The following EBF3 variants were observed in gnomAD, a reference collection of about 807,000 sequenced individuals.
EBF3 encodes transcription factor COE3.
EBF3 carries 18 observed loss-of-function variants against 77.1 expected under a neutral mutation model. The ratio of observed to expected loss-of-function variants is 0.23; its 90% CI spans 0.16 to 0.35. The LOEUF (loss-of-function observed/expected upper bound fraction) is 0.35. Ranked by LOEUF, EBF3 falls within the 10% of genes least tolerant of loss-of-function variation. The pLI, the probability that EBF3 is intolerant of heterozygous loss-of-function variation, is 1.00. For synonymous variants in EBF3, 350 were observed against 343.5 expected (o/e 1.02, Z -0.21); for missense variants, 558 against 860.0 (o/e 0.65, Z 4.39).
chr10:129,921,084 G>T (rs930816829), intron 6 of EBF3, among the ~76,000 whole-genome samples: 1 of 152,190 alleles, frequency 6.6e-6, no homozygotes, highest in East Asian at 1.9e-4. Flanking sequence ...CAGCCTCATC[G>T]GCTAAAAGTA....
intron 6 of EBF3, among the ~76,000 whole-genome samples, chr10:129,893,370 A>G (rs1022247711): frequency 2.6e-5 from 4 of 152,242 alleles, no homozygotes; most frequent in Non-Finnish European, 5.9e-5. Context: ...TGCATACATT[A>G]TCATACATAA....
intron 16 of EBF3, 137 bp downstream of exon 16, chr10:129,838,946 C>T: frequency 1.2e-6 from 1 of 807,012 alleles, no homozygotes; most frequent in Non-Finnish European, 1.7e-6. Context: ...CGCGGCACCT[C>T]ACCACCTGCC....
At position 129,938,785 on chromosome 10, in the gene EBF3, T is replaced by TG; in HGVS notation, c.554+18472dup. 6.6e-6 allele frequency among the ~76,000 whole-genome samples: 1 copy of TG among 152,178 alleles called. No individual in the cohort carries two copies. The highest frequency in any genetic ancestry group is 1.9e-4 in the East Asian group (1 of 5,142). On this transcript the variant is annotated intron_variant, in intron 6 of 16. Transcript: ENST00000440978. The surrounding 1 kb of genome is among the most constrained non-coding windows in gnomAD (Gnocchi z 5.1). ...GAGTCAATAGGGGCAAGATGTTACA[T>TG]GGGGGTCTTCGTGGCCCATAAAACC...
chr10:129,952,680 T>C lies in EBF3; in HGVS notation c.554+4578A>G, dbSNP rs1007966505. 6.6e-6 allele frequency among the ~76,000 whole-genome samples: 1 copy of C among 152,072 alleles called. No homozygotes were observed. Among genetic ancestry groups the C allele is most frequent in the Non-Finnish European group, 1.5e-5 (1 of 68,026 alleles). ...AACATTGGGACTGGTCAAATGTTTA[T>C]CCTCCCCGCTTCTGAAAACAACCTG... On this transcript the variant is annotated intron_variant, in intron 6 of 16. Coordinates refer to ENST00000440978, the MANE Select transcript of EBF3 (RefSeq NM_001375380.1). This position sits in a 1 kb window ranked among gnomAD's most constrained non-coding sequence, Gnocchi z 4.7.
intron 10 of EBF3, among the ~76,000 whole-genome samples, chr10:129,853,118 C>A (rs767856826): frequency 6.6e-6 from 1 of 152,188 alleles, no homozygotes; most frequent in Non-Finnish European, 1.5e-5. Context: ...GAGCAGTGTG[C>A]GCCGCCTGTA....
rs1055178207 is a variant in EBF3 at position 129,963,141 on chromosome 10, C to G, written c.292-136G>C. On this transcript the variant is annotated intron_variant, in intron 2 of 16. Coordinates refer to ENST00000440978, the MANE Select transcript of EBF3 (RefSeq NM_001375380.1). This position sits in a 1 kb window ranked among gnomAD's most constrained non-coding sequence, Gnocchi z 7.1. ...CTAGCTCGAAGCAGCGCGGTGATGT[C>G]ACTTTCCTGCTGGAAGCCCAGCGTT... 8.0e-7 allele frequency: 1 copy of G among 1,255,328 alleles called. No individual in the cohort carries two copies. Among genetic ancestry groups the G allele is most frequent in the African/African-American group, 1.5e-5 (1 of 67,814 alleles). The allele number at this position is 1,255,328 out of a possible 1,614,324, so 77.8% of individuals were successfully genotyped here.
Position 129,945,928 on chromosome 10 carries a change from G to A in EBF3, c.554+11330C>T, listed in dbSNP as rs1171134706. Among the ~76,000 whole-genome samples the A allele has an allele frequency of 3.3e-5, 5 of 151,590 alleles. 1 individual carries two copies. Among genetic ancestry groups the A allele is most frequent in the Admixed American group, 1.3e-4 (2 of 15,186 alleles). On this transcript the variant is annotated intron_variant, in intron 6 of 16. Coordinates refer to ENST00000440978, the MANE Select transcript of EBF3 (RefSeq NM_001375380.1). The stretch of plus-strand genomic sequence containing the variant: ...TTGTTTCTCTGTGGAGTGCTTTTAC[G>A]TTTAGTGGAGGCCGCTGACAAATAT...
At chr10:129,869,224 TG>T (rs1422555458) in intron 8 of EBF3, among the ~76,000 whole-genome samples, 2 of 152,134 alleles carry the variant, frequency 1.3e-5, no homozygotes, top group Non-Finnish European at 2.9e-5. Flanking sequence ...TTGGGGGTGT[TG>T]GGGGTTAAAG....
chr10:129,962,971 T>C lies in EBF3; in HGVS notation c.326A>G (p.His109Arg), dbSNP rs1484783852. ...GCTGTACAATAACTGGAGTTTATAG[T>C]GGATGCCGTTGTTGGTTTTCTCGTT... The part of the protein sequence containing the change: ...PNNEKTNNGI[H>R]YKLQLLYSNG... Residue 109 changes from histidine to arginine, a missense_variant, in exon 3 of 17, where the codon CAC (histidine) becomes CGC (arginine). Physicochemically the swap from His to Arg is conservative, Grantham distance 29. Around this residue, in one of 5 missense-constraint regions of EBF3, gnomAD observed 84 missense variants for 142.3 expected, o/e 0.59. Coordinates refer to ENST00000440978, the MANE Select transcript of EBF3 (RefSeq NM_001375380.1). 1.2e-6 allele frequency: 2 copies of C among 1,614,050 alleles called. No homozygotes were observed. Among genetic ancestry groups the C allele is most frequent in the Non-Finnish European group, 1.7e-6 (2 of 1,180,032 alleles).
intron 6 of EBF3, among the ~76,000 whole-genome samples, chr10:129,948,085 C>T (rs1400979082): frequency 6.6e-6 from 1 of 151,658 alleles, no homozygotes; most frequent in Non-Finnish European, 1.5e-5. Context: ...GGTGAAACCC[C>T]GTCTCTACTA....
At chr10:129,962,512 G>A (rs1428219209) in intron 3 of EBF3, among the ~76,000 whole-genome samples, 1 of 151,866 alleles carries the variant, frequency 6.6e-6, no homozygotes, top group South Asian at 2.1e-4. Flanking sequence ...GGCCCATGTG[G>A]TCGTTTATTT....
intron 6 of EBF3, among the ~76,000 whole-genome samples, chr10:129,890,464 A>G (rs1853945477): frequency 6.6e-6 from 1 of 152,256 alleles, no homozygotes; most frequent in South Asian, 2.1e-4. Flanking sequence ...TAACACCATA[A>G]GGTGTGACGT....
rs1255842565 is a variant in EBF3, at chr10:129,836,218, T to TAAAG, written c.*1721_*1724dup. The stretch of plus-strand genomic sequence containing the variant: ...GTGATAAAATAGCACAAAGGTTCTT[T>TAAAG]AAAGAAGTTCACTTTTAAGGCATCA... On this transcript the variant is annotated 3_prime_UTR_variant, in exon 17 of 17. Transcript: ENST00000440978. The TAAAG allele has an allele frequency of 6.6e-6, 1 of 152,656 alleles. No homozygotes were observed. The highest frequency in any genetic ancestry group is 1.5e-5 in the Non-Finnish European group (1 of 68,046). 9.5% of individuals were successfully genotyped at this position (152,656 alleles called of 1,614,324 possible).
chr10:129,903,694 AT>A (rs1564874096), intron 6 of EBF3, among the ~76,000 whole-genome samples: 2 of 152,152 alleles, frequency 1.3e-5, no homozygotes, highest in Non-Finnish European at 2.9e-5. Context: ...GGAAGATGTG[AT>A]TTTTGATGAG....
chr10:129,892,360 C>G (rs1433462496), intron 6 of EBF3, among the ~76,000 whole-genome samples: 1 of 152,226 alleles, frequency 6.6e-6, no homozygotes, highest in East Asian at 1.9e-4. Context: ...TTGATGAACT[C>G]AATTTCCATA....
chr10:129,840,722 T>C (rs1256652814), intron 14 of EBF3, 122 bp downstream of exon 14: 2 of 1,405,918 alleles, frequency 1.4e-6, no homozygotes, highest in South Asian at 1.4e-5. Context: ...ACGCCCAGCC[T>C]CCAGGGCCAC....
chr10:129,918,905 C>T (rs1231091305), intron 6 of EBF3, among the ~76,000 whole-genome samples: 2 of 152,212 alleles, frequency 1.3e-5, no homozygotes, highest in Non-Finnish European at 2.9e-5. Flanking sequence ...GTAGCAGAGT[C>T]CTTGCCCCCT....
At chr10:129,865,058 G>A (rs965618534) in intron 10 of EBF3, among the ~76,000 whole-genome samples, 8 of 152,152 alleles carry the variant, frequency 5.3e-5, no homozygotes, top group South Asian at 2.1e-4. Flanking sequence ...GTCTTTGCAC[G>A]GGGCCTACAG....
rs891042585 is a variant in EBF3, at chr10:129,841,363, G to A, written c.1373-331C>T. ...GTCCCCCCACGCTCTGTGAACTTTC[G>A]GCCTCTGTAGACCTTCAAATGCCAT... On this transcript the variant is annotated intron_variant, in intron 13 of 16. Coordinates refer to ENST00000440978, the MANE Select transcript of EBF3 (RefSeq NM_001375380.1). This position sits in a 1 kb window ranked among gnomAD's most constrained non-coding sequence, Gnocchi z 4.6. Among the ~76,000 whole-genome samples, 1 of 152,048 alleles carries A rather than the reference G, an allele frequency of 6.6e-6. No homozygotes were observed. Among genetic ancestry groups the A allele is most frequent in the African/African-American group, 2.4e-5 (1 of 41,406 alleles).
Sources: gnomAD v4.1 joint callset for allele counts (sites outside exome capture counted in the v4.1 genomes callset) on GRCh38, gnomAD v4.1.1 for gene constraint, gnomAD v4.1.1 regional missense constraint, Gnocchi (gnomAD v3.1) non-coding constraint, MANE v1.5 for transcripts, NCBI Gene and HGNC (gene_info 2026-07-23, HGNC 2026-07-21) for gene names.